The following TRPM3 variants were observed in gnomAD, a reference collection of about 807,000 sequenced individuals.
TRPM3 encodes long transient receptor potential channel 3.
In TRPM3, 77 loss-of-function variants were observed where a neutral mutation model predicts 181.2. The ratio of observed to expected loss-of-function variants is 0.42; its 90% CI spans 0.35 to 0.51. The LOEUF (loss-of-function observed/expected upper bound fraction) is 0.51, where lower values mean the gene tolerates loss of function less well. Among genes scored for constraint, TRPM3 ranks in the 20% least tolerant of loss-of-function variants. The pLI is 0.01. For synonymous variants in TRPM3, 745 were observed against 796.4 expected (o/e 0.94, Z 1.09); for missense variants, 1,759 against 2,196.7 (o/e 0.80, Z 3.98).
chr9:70,929,055 G>A (rs977070279), intron 1 of TRPM3, among the ~76,000 whole-genome samples: 2 of 152,132 alleles, frequency 1.3e-5, no homozygotes, highest in Admixed American at 6.6e-5. Context: ...CATGTTCAAG[G>A]CAGAAAGGAT....
chr9:70,627,200 A>G (rs1319299832), intron 12 of TRPM3, among the ~76,000 whole-genome samples: 2 of 151,118 alleles, frequency 1.3e-5, no homozygotes, highest in East Asian at 2.0e-4. Context: ...GCTATCCTCA[A>G]TGGAGTGAGA....
At chr9:70,870,022 G>C (rs901074318) in intron 1 of TRPM3, among the ~76,000 whole-genome samples, 6 of 151,990 alleles carry the variant, frequency 3.9e-5, no homozygotes, top group African/African-American at 1.4e-4. Flanking sequence ...CATCTCCAAA[G>C]GACTTTTCTC....
intron 1 of TRPM3, among the ~76,000 whole-genome samples, chr9:70,994,277 C>T (rs762788989): frequency 8.5e-5 from 13 of 152,050 alleles, no homozygotes; most frequent in Non-Finnish European, 1.5e-4. Flanking sequence ...AAAAAATGCC[C>T]AAAATATGTT....
At chr9:70,552,201 T>A (rs1407371996) in intron 24 of TRPM3, among the ~76,000 whole-genome samples, 4 of 152,120 alleles carry the variant, frequency 2.6e-5, no homozygotes, top group African/African-American at 7.2e-5. Context: ...TCTGTGGGAG[T>A]CACCAGTATT....
chr9:71,308,916 G>T (rs2087646259), intron 1 of TRPM3, among the ~76,000 whole-genome samples: 1 of 152,120 alleles, frequency 6.6e-6, no homozygotes, highest in Non-Finnish European at 1.5e-5. Flanking sequence ...ATGTCATTCT[G>T]TCATCAAAAG....
At chr9:70,887,238 C>T (rs547955171) in intron 1 of TRPM3, among the ~76,000 whole-genome samples, 34 of 152,260 alleles carry the variant, frequency 2.2e-4, no homozygotes, top group Admixed American at 2.0e-3. Context: ...TTTTATTAAG[C>T]TCAAATTGTG....
intron 1 of TRPM3, among the ~76,000 whole-genome samples, chr9:71,187,304 T>A (rs1451723576): frequency 6.6e-6 from 1 of 152,006 alleles, no homozygotes; most frequent in Non-Finnish European, 1.5e-5. Flanking sequence ...TGAATTCTGT[T>A]TCAATACATA....
At chr9:70,978,340 C>T (rs148187884) in intron 1 of TRPM3, among the ~76,000 whole-genome samples, 1 of 152,342 alleles carries the variant, frequency 6.6e-6, no homozygotes, top group East Asian at 1.9e-4. Context: ...GAGCAAAGCA[C>T]ATGCAATTCA....
At chr9:71,200,829 T>A (rs1430562919) in intron 1 of TRPM3, among the ~76,000 whole-genome samples, 1 of 151,672 alleles carries the variant, frequency 6.6e-6, no homozygotes, top group African/African-American at 2.4e-5. Context: ...CTTTATCCAA[T>A]TTGCCAGTCT....
chr9:71,018,771 G>A (rs1590692852), intron 1 of TRPM3, among the ~76,000 whole-genome samples: 1 of 151,860 alleles, frequency 6.6e-6, no homozygotes, highest in African/African-American at 2.4e-5. Context: ...CAGAAAAAGG[G>A]AGAATATTTC....
intron 1 of TRPM3, among the ~76,000 whole-genome samples, chr9:71,287,135 T>G (rs1478924631): frequency 6.8e-6 from 1 of 146,192 alleles, no homozygotes; most frequent in Non-Finnish European, 1.5e-5. Flanking sequence ...TAATATATAA[T>G]AAAAATATAT....
intron 3 of TRPM3, among the ~76,000 whole-genome samples, chr9:70,847,333 A>G (rs901229772): frequency 6.6e-6 from 1 of 152,242 alleles, no homozygotes; most frequent in Non-Finnish European, 1.5e-5. Context: ...CAATGTAAGT[A>G]TGTTAAAAAC....
intron 22 of TRPM3, among the ~76,000 whole-genome samples, chr9:70,571,624 T>C (rs994541868): frequency 1.3e-5 from 2 of 152,144 alleles, no homozygotes; most frequent in African/African-American, 2.4e-5. Flanking sequence ...TACATAGGTA[T>C]ATTCTCTGTG....
At chr9:70,865,218 A>G (rs2095624207) in intron 1 of TRPM3, 1 of 152,062 alleles carries the variant, frequency 6.6e-6, no homozygotes, top group African/African-American at 2.4e-5. Flanking sequence ...TGTTGGGTCC[A>G]TCCACCCAGA....
intron 6 of TRPM3, among the ~76,000 whole-genome samples, chr9:70,814,209 T>C (rs2092452496): frequency 6.6e-6 from 1 of 151,946 alleles, no homozygotes; most frequent in Admixed American, 6.6e-5. Flanking sequence ...TGGGGTGGAG[T>C]ACAGAGAGAA....
At chr9:71,188,996 A>G (rs940582291) in intron 1 of TRPM3, among the ~76,000 whole-genome samples, 2 of 152,048 alleles carry the variant, frequency 1.3e-5, no homozygotes, top group Admixed American at 6.6e-5. Flanking sequence ...CAAGACAGAA[A>G]GACATTGATT....
chr9:70,840,907 G>T (rs945317903), intron 5 of TRPM3, among the ~76,000 whole-genome samples: 2 of 152,138 alleles, frequency 1.3e-5, no homozygotes, highest in African/African-American at 4.8e-5. Context: ...TCATCTGAAT[G>T]AGGAAGTTCA....
intron 1 of TRPM3, among the ~76,000 whole-genome samples, chr9:71,068,615 G>T (rs2062260268): frequency 1.3e-5 from 2 of 152,168 alleles, no homozygotes; most frequent in South Asian, 4.1e-4. Flanking sequence ...TCAAAATAAT[G>T]ATTGCCAAAC....
chr9:71,443,377 T>C (rs2094160155), intron 1 of TRPM3, among the ~76,000 whole-genome samples: 2 of 152,000 alleles, frequency 1.3e-5, no homozygotes, highest in African/African-American at 2.4e-5. Flanking sequence ...ATTGATTTGT[T>C]AGACACACCC....
Sources: allele counts gnomAD v4.1 joint callset (sites outside exome capture counted in the v4.1 genomes callset), GRCh38; gene constraint gnomAD v4.1.1; transcripts MANE v1.5; gene names NCBI Gene and HGNC (gene_info 2026-07-23, HGNC 2026-07-21).